The following PRKACA variants were observed in gnomAD, a reference collection of about 807,000 sequenced individuals.
PRKACA encodes the protein cAMP-dependent protein kinase catalytic subunit alpha.
PRKACA carries 9 observed loss-of-function variants against 45.8 expected under a neutral mutation model. The observed-to-expected ratio is 0.20, with a 90% confidence interval of 0.12 to 0.34. The LOEUF (loss-of-function observed/expected upper bound fraction) is 0.34, where lower values mean the gene tolerates loss of function less well. Among genes scored for constraint, PRKACA ranks in the 10% least tolerant of loss-of-function variants. The pLI is 1.00. For missense variants in PRKACA, 238 were observed against 458.6 expected, an observed-to-expected ratio of 0.52 and a Z score of 4.39; for synonymous variants, 160 against 178.6, an observed-to-expected ratio of 0.90 and a Z score of 0.83.
intron 1 of PRKACA, chr19:14,107,905 G>A: frequency 2.0e-6 from 2 of 989,916 alleles, no homozygotes; most frequent in Non-Finnish European, 2.4e-6. Flanking sequence ...GCAATCGCAA[G>A]GGCATTGCTC....
In PRKACA at chr19:14,092,362, A is replaced by G. The variant is rs911632709; in HGVS notation, c.*750T>C. 2.9e-6 allele frequency: 1 copy of G among 345,824 alleles called. No individual in the cohort carries two copies. The highest frequency in any genetic ancestry group is 2.1e-5 in the African/African-American group (1 of 47,450). The allele number at this position is 345,824 out of a possible 1,614,324, so 21.4% of individuals were successfully genotyped here. ...GCGGAGGCTTCCTAAAGGGGCCTAG[A>G]CCCTCGCAGGATTGGCAGAGAGGAT... On this transcript the variant is annotated 3_prime_UTR_variant, in exon 10 of 10. Coordinates refer to ENST00000308677, the MANE Select transcript of PRKACA (RefSeq NM_002730.4).
chr19:14,099,529 G>C (rs1467872843), intron 5 of PRKACA, among the ~76,000 whole-genome samples: 1 of 150,032 alleles, frequency 6.7e-6, no homozygotes. Flanking sequence ...AGACTCAGGT[G>C]ATCTTCCCAC....
intron 3 of PRKACA, 81 bp downstream of exon 3, chr19:14,106,679 T>C (rs1463010880): frequency 1.5e-5 from 23 of 1,567,600 alleles, no homozygotes; most frequent in Non-Finnish European, 1.9e-5. Flanking sequence ...AGTGAACGGG[T>C]GGATAGGGCA....
intron 1 of PRKACA, among the ~76,000 whole-genome samples, chr19:14,113,915 C>A (rs1470188725): frequency 6.6e-6 from 1 of 152,164 alleles, no homozygotes; most frequent in Non-Finnish European, 1.5e-5. Context: ...GGCCCCCTGC[C>A]GGGTGGACCA....
At chr19:14,093,470 A>G (rs781226442) in intron 9 of PRKACA, among the ~76,000 whole-genome samples, 158 bp downstream of exon 9, 7 of 152,170 alleles carry the variant, frequency 4.6e-5, no homozygotes, top group Non-Finnish European at 8.8e-5. Flanking sequence ...GAATGGCCAA[A>G]TGACCCCAGA....
chr19:14,094,788 C>T (rs961793037), intron 8 of PRKACA, among the ~76,000 whole-genome samples: 2 of 152,202 alleles, frequency 1.3e-5, no homozygotes, highest in African/African-American at 4.8e-5. Flanking sequence ...CTTTTTCTCT[C>T]CTCTCTTTCT....
At chr19:14,098,645 A>G (rs1009037663) in intron 5 of PRKACA, among the ~76,000 whole-genome samples, 11 of 151,576 alleles carry the variant, frequency 7.3e-5, no homozygotes, top group African/African-American at 2.4e-4. Flanking sequence ...ACAGGTGTGC[A>G]CCACCACGCC....
At chr19:14,102,006 A>G (rs1047531127) in intron 4 of PRKACA, among the ~76,000 whole-genome samples, 8 of 151,946 alleles carry the variant, frequency 5.3e-5, no homozygotes, top group Non-Finnish European at 1.0e-4. Context: ...TCTACTAAAA[A>G]TACAAACATA....
intron 1 of PRKACA, chr19:14,115,101 TCTCTGGGAGC>T (rs2144497821): frequency 3.0e-6 from 3 of 985,372 alleles, no homozygotes; most frequent in Non-Finnish European, 3.6e-6. Context: ...CTTATTTCCT[TCTCTGGGAGC>T]CTCTGGGAGG....
At chr19:14,095,321 C>T (rs1599333833) in intron 8 of PRKACA, among the ~76,000 whole-genome samples, 1 of 151,912 alleles carries the variant, frequency 6.6e-6, no homozygotes, top group African/African-American at 2.4e-5. Flanking sequence ...CAGGTGTGTG[C>T]CACCATATCC....
chr19:14,104,972 C>T (rs1479228601), intron 3 of PRKACA, among the ~76,000 whole-genome samples: 2 of 152,154 alleles, frequency 1.3e-5, no homozygotes, highest in Non-Finnish European at 2.9e-5. Context: ...TGTGAATCTG[C>T]TTTTTCAACT....
At position 14,097,019 on chromosome 19, in the gene PRKACA, T is replaced by C; in HGVS notation, c.765+342A>G. On this transcript the variant is annotated intron_variant, in intron 8 of 9. Transcript: ENST00000308677. The surrounding 1 kb of genome is among the most constrained non-coding windows in gnomAD (Gnocchi z 5.4). ...TGGGAACAGGAACCAAATACATTCGTTTTTCTGCCTTGGAATTTGCGAAAA... is the reference window on the plus strand; with the variant it reads ...TGGGAACAGGAACCAAATACATTCGCTTTTCTGCCTTGGAATTTGCGAAAA... 2.7e-6 allele frequency: 1 copy of C among 364,486 alleles called. No homozygotes were observed. Among genetic ancestry groups the C allele is most frequent in the Non-Finnish European group, 5.3e-6 (1 of 187,904 alleles). The allele number at this position is 364,486 out of a possible 1,614,324, so 22.6% of individuals were successfully genotyped here. A position where few individuals can be genotyped will look rare whatever the true frequency, so the allele number is the denominator to read the frequency against.
intron 4 of PRKACA, 71 bp downstream of exon 4, chr19:14,102,745 C>A: frequency 7.4e-7 from 1 of 1,351,736 alleles, no homozygotes; most frequent in East Asian, 2.3e-5. Context: ...TCAGCTCCGA[C>A]CCCAGCCCTG....
intron 1 of PRKACA, among the ~76,000 whole-genome samples, chr19:14,109,351 G>A (rs1977702984): frequency 6.6e-6 from 1 of 151,952 alleles, no homozygotes; most frequent in Non-Finnish European, 1.5e-5. Flanking sequence ...CGGGCATGGT[G>A]GCAGGAGAAT....
chr19:14,106,958 A>AG, intron 2 of PRKACA, 70 bp from the exon 3 acceptor site: 2 of 1,578,786 alleles, frequency 1.3e-6, no homozygotes, highest in Non-Finnish European at 1.7e-6. Context: ...GGTCTGGGGC[A>AG]TCCCCTCTGC....
Position 14,097,039 on chromosome 19 carries a change from C to G in PRKACA, c.765+322G>C. Reference sequence around the variant, plus strand: ...ATTCGTTTTTCTGCCTTGGAATTTGCGAAAACTCACACTAACTGGGATGAG... The same window carrying G: ...ATTCGTTTTTCTGCCTTGGAATTTGGGAAAACTCACACTAACTGGGATGAG... On this transcript the variant is annotated intron_variant, in intron 8 of 9. Transcript: ENST00000308677. The surrounding 1 kb of genome is among the most constrained non-coding windows in gnomAD (Gnocchi z 5.4). The G allele has an allele frequency of 5.2e-6, 2 of 382,474 alleles. No homozygotes were observed. Among genetic ancestry groups the G allele is most frequent in the Non-Finnish European group, 1.0e-5 (2 of 199,600 alleles). The allele number at this position is 382,474 out of a possible 1,614,324, so 23.7% of individuals were successfully genotyped here. A position where few individuals can be genotyped will look rare whatever the true frequency, so the allele number is the denominator to read the frequency against.
Position 14,093,041 on chromosome 19 carries a change from A to AGGGGGGCCC in PRKACA, c.*70_*71insGGGCCCCCC. On this transcript the variant is annotated 3_prime_UTR_variant, in exon 10 of 10. Transcript: ENST00000308677. ...CTGGGGCCCTCTGGCTGTTCAATCCAACCCTCCCACCCCCCCGACCAAAAA... is the reference window on the plus strand; with the variant it reads ...CTGGGGCCCTCTGGCTGTTCAATCCAGGGGGGCCCACCCTCCCACCCCCCCGACCAAAAA... 2 of 500,026 alleles carry AGGGGGGCCC rather than the reference A, an allele frequency of 4.0e-6. No individual in the cohort carries two copies. Among genetic ancestry groups the AGGGGGGCCC allele is most frequent in the Non-Finnish European group, 3.6e-6 (1 of 278,310 alleles). 31.0% of individuals were successfully genotyped at this position (500,026 alleles called of 1,614,324 possible). A position where few individuals can be genotyped will look rare whatever the true frequency, so the allele number is the denominator to read the frequency against.
At chr19:14,114,210 G>C (rs901618254) in intron 1 of PRKACA, 66 of 1,591,812 alleles carry the variant, frequency 4.1e-5, no homozygotes, top group Middle Eastern at 3.3e-4. Flanking sequence ...AGGCTCATGA[G>C]ACCTGCCGTG....
chr19:14,110,590 A>G (rs889449623), intron 1 of PRKACA, among the ~76,000 whole-genome samples: 1 of 151,996 alleles, frequency 6.6e-6, no homozygotes, highest in African/African-American at 2.4e-5. Context: ...AAGTAATAAT[A>G]AAAAAACCCC....
Sources: allele counts gnomAD v4.1 joint callset (sites outside exome capture counted in the v4.1 genomes callset), GRCh38; gene constraint gnomAD v4.1.1; non-coding constraint Gnocchi (gnomAD v3.1); transcripts MANE v1.5; gene names NCBI Gene and HGNC (gene_info 2026-07-23, HGNC 2026-07-21).